Variants in DGKI observed in about 807,000 individuals in gnomAD.
DGKI encodes the protein DAG kinase iota.
DGKI carries 55 observed loss-of-function variants against 147.5 expected under a neutral mutation model. The observed-to-expected ratio is 0.37, with a 90% CI of 0.30 to 0.47. The LOEUF (loss-of-function observed/expected upper bound fraction) is 0.47. DGKI is among the 20% of genes least tolerant of loss of function. The pLI is 1.00. For synonymous variants in DGKI, 469 were observed against 477.1 expected (o/e 0.98, Z 0.22); for missense variants, 1,007 against 1,323.8 (o/e 0.76, Z 3.71).
At chr7:137,646,240 T>A (rs1186506839) in intron 5 of DGKI, among the ~76,000 whole-genome samples, 1 of 151,832 alleles carries the variant, frequency 6.6e-6, no homozygotes, top group Non-Finnish European at 1.5e-5. Context: ...CAGAAAGAGA[T>A]CTCCTAATAC....
intron 12 of DGKI, among the ~76,000 whole-genome samples, chr7:137,593,623 G>A (rs1819690648): frequency 1.3e-5 from 2 of 152,178 alleles, no homozygotes; most frequent in Admixed American, 6.5e-5. Context: ...CTCGAATATA[G>A]CTAATCCAAA....
chr7:137,494,133 A>G (rs921999320), intron 21 of DGKI, among the ~76,000 whole-genome samples: 1 of 152,222 alleles, frequency 6.6e-6, no homozygotes, highest in South Asian at 2.1e-4. Flanking sequence ...AAAAAAATGA[A>G]GAAGAATGAA....
At chr7:137,696,875 C>T (rs1310679041) in intron 1 of DGKI, among the ~76,000 whole-genome samples, 1 of 152,004 alleles carries the variant, frequency 6.6e-6, no homozygotes, top group African/African-American at 2.4e-5. Context: ...AGGACAGGCC[C>T]CTAACCTAAT....
chr7:137,785,559 G>A (rs867366633), intron 1 of DGKI, among the ~76,000 whole-genome samples: 2 of 151,476 alleles, frequency 1.3e-5, no homozygotes, highest in African/African-American at 4.9e-5. Flanking sequence ...AAGAAAATTA[G>A]TACCAATCCT....
At chr7:137,419,939 G>C (rs1351089120) in intron 28 of DGKI, among the ~76,000 whole-genome samples, 1 of 152,178 alleles carries the variant, frequency 6.6e-6, no homozygotes, top group East Asian at 1.9e-4. Context: ...TAAAGTATAT[G>C]ACTTAAAACC....
At chr7:137,770,882 TA>T (rs1327933570) in intron 1 of DGKI, among the ~76,000 whole-genome samples, 1 of 152,136 alleles carries the variant, frequency 6.6e-6, no homozygotes, top group Non-Finnish European at 1.5e-5. Context: ...CTTATTTATT[TA>T]AAATTTCAAG....
chr7:137,552,097 C>T (rs1429999363), intron 20 of DGKI, among the ~76,000 whole-genome samples: 1 of 152,180 alleles, frequency 6.6e-6, no homozygotes, highest in Non-Finnish European at 1.5e-5. Context: ...TGATTTTCTG[C>T]TAGTCCCAGT....
Position 137,682,094 on chromosome 7 carries a change from G to A in DGKI, c.511-3442C>T, listed in dbSNP as rs1403727481. On this transcript the variant is annotated intron_variant, in intron 2 of 32. Transcript: ENST00000614521. ...TAAACCACAAATGTGAGTATTAACA[G>A]CTTTCAGGGAGTTCTATGAGTGTTT... Among the ~76,000 whole-genome samples, 3 of 152,166 alleles carry A rather than the reference G, an allele frequency of 2.0e-5. No individual in the cohort carries two copies. The East Asian group carries it at 5.8e-4, about 29-fold the overall frequency.
chr7:137,836,727 T>C (rs1798394095), intron 1 of DGKI, among the ~76,000 whole-genome samples: 1 of 152,132 alleles, frequency 6.6e-6, no homozygotes, highest in Non-Finnish European at 1.5e-5. Flanking sequence ...ATATAGTTTT[T>C]ACAAAAAAAC....
intron 27 of DGKI, among the ~76,000 whole-genome samples, chr7:137,444,885 C>T (rs1432604688): frequency 2.6e-5 from 4 of 152,142 alleles, no homozygotes; most frequent in Non-Finnish European, 4.4e-5. Flanking sequence ...TTGACTCACA[C>T]TTATTCTTTT....
chr7:137,610,893 GA>G (rs1280703789), intron 8 of DGKI, among the ~76,000 whole-genome samples: 1 of 152,094 alleles, frequency 6.6e-6, no homozygotes, highest in Non-Finnish European at 1.5e-5. Context: ...AAATTTTCAA[GA>G]ACTACCATCT....
At chr7:137,557,024 C>CA (rs57278968) in intron 19 of DGKI, among the ~76,000 whole-genome samples, 16,510 of 151,990 alleles carry the variant, frequency 0.11, 1,993 homozygotes, top group African/African-American at 0.3. Flanking sequence ...AGAATTTGAC[C>CA]TCAGCCTGCC....
intron 19 of DGKI, among the ~76,000 whole-genome samples, chr7:137,565,123 C>CTGTT (rs1818541743): frequency 1.3e-5 from 2 of 152,066 alleles, no homozygotes; most frequent in African/African-American, 4.8e-5. Context: ...GGTTTACAAA[C>CTGTT]AATTATGTTA....
chr7:137,412,043 T>G (rs974745846), intron 29 of DGKI, 127 bp downstream of exon 29: 7 of 896,474 alleles, frequency 7.8e-6, no homozygotes, highest in Non-Finnish European at 1.3e-5. Context: ...ACATCCTGCC[T>G]CTTCTACCCA....
In DGKI at chr7:137,466,946, G is replaced by A; in HGVS notation, c.2444-4C>T. 3 of 1,613,888 alleles carry A rather than the reference G, an allele frequency of 1.9e-6. No homozygotes were observed. The highest frequency in any genetic ancestry group is 2.5e-6 in the Non-Finnish European group (3 of 1,179,904). The stretch of plus-strand genomic sequence containing the variant: ...TAAAAGCGATCAGCAGAAGTTGCTA[G>A]GGGAAAAAAAATGCAGATGGCATTC... On this transcript the variant is annotated splice_region_variant and splice_polypyrimidine_tract_variant and intron_variant, in intron 24 of 32. Coordinates refer to ENST00000614521, the MANE Select transcript of DGKI (RefSeq NM_001321708.2).
At chr7:137,689,460 A>G (rs1258247964) in intron 2 of DGKI, among the ~76,000 whole-genome samples, 1 of 152,212 alleles carries the variant, frequency 6.6e-6, no homozygotes, top group African/African-American at 2.4e-5. Context: ...TAAGGGAGGA[A>G]GGAAAAGCAA....
intron 1 of DGKI, among the ~76,000 whole-genome samples, chr7:137,754,430 C>T (rs1468835935): frequency 6.6e-6 from 1 of 152,192 alleles, no homozygotes; most frequent in Non-Finnish European, 1.5e-5. Context: ...GGAAGAAGGG[C>T]AGTGGGAGAC....
intron 3 of DGKI, among the ~76,000 whole-genome samples, chr7:137,657,315 C>A (rs1217167309): frequency 6.6e-6 from 1 of 152,204 alleles, no homozygotes; most frequent in Non-Finnish European, 1.5e-5. Context: ...AATTAAGGCA[C>A]AGCAGGGCCA....
chr7:137,817,309 A>G (rs112256828), intron 1 of DGKI, among the ~76,000 whole-genome samples: 2,298 of 152,334 alleles, frequency 0.015, 76 homozygotes, highest in African/African-American at 0.053. Flanking sequence ...TATAACACAC[A>G]GTAGGTGCTT....
Sources: allele counts gnomAD v4.1 joint callset (sites outside exome capture counted in the v4.1 genomes callset), GRCh38; gene constraint gnomAD v4.1.1; transcripts MANE v1.5; gene names NCBI Gene and HGNC (gene_info 2026-07-23, HGNC 2026-07-21).